LRCH1: variants seen among roughly 807,000 people sequenced by gnomAD.
LRCH1 encodes the protein leucine rich repeats and calponin homology domain containing 1, also known as leucine-rich repeat and calponin homology domain-containing protein 1.
Under a neutral mutation model 94.9 loss-of-function variants are expected in LRCH1, and 23 were observed. The ratio of observed to expected loss-of-function variants is 0.24; its 90% CI spans 0.17 to 0.34. LRCH1 has a LOEUF of 0.34. Among genes scored for constraint, LRCH1 ranks in the 10% least tolerant of loss-of-function variants. The probability of loss-of-function intolerance (pLI) is 1.00; values close to 1 mark genes in which losing one functional copy is unlikely to be tolerated. For missense variants in LRCH1, 790 were observed against 945.9 expected, an observed-to-expected ratio of 0.84 and a Z score of 2.16; for synonymous variants, 364 against 354.9, an observed-to-expected ratio of 1.03 and a Z score of -0.29.
Position 46,553,281 on chromosome 13 carries a change from A to C in LRCH1, c.-116A>C, listed in dbSNP as rs1594237990. The stretch of plus-strand genomic sequence containing the variant: ...GCCCACACCCTCCTCCCCTCCTTCC[A>C]GCGCCTTTCGGTGGAGCACTGCGGC... On this transcript the variant is annotated 5_prime_UTR_variant, in exon 1 of 20. Transcript: ENST00000389797. 1 of 508,824 alleles carries C rather than the reference A, an allele frequency of 2.0e-6. No individual in the cohort carries two copies. Among genetic ancestry groups the C allele is most frequent in the Non-Finnish European group, 3.0e-6 (1 of 330,358 alleles). 31.5% of individuals were successfully genotyped at this position (508,824 alleles called of 1,614,324 possible).
At chr13:46,721,306 A>G (rs1872573552) in intron 16 of LRCH1, among the ~76,000 whole-genome samples, 1 of 152,184 alleles carries the variant, frequency 6.6e-6, no homozygotes, top group Non-Finnish European at 1.5e-5. Flanking sequence ...CAAAGAAAAC[A>G]TTCGATGTGT....
chr13:46,688,707 T>G (rs935097935), intron 6 of LRCH1, among the ~76,000 whole-genome samples: 3 of 152,218 alleles, frequency 2.0e-5, no homozygotes, highest in African/African-American at 7.2e-5. Flanking sequence ...TTTTATGTAC[T>G]TAATCCCTGG....
intron 1 of LRCH1, among the ~76,000 whole-genome samples, chr13:46,607,065 G>A (rs1211343480): frequency 6.6e-6 from 1 of 152,140 alleles, no homozygotes; most frequent in Admixed American, 6.5e-5. Context: ...TTGGCTAGGC[G>A]CTGGGATGGT....
intron 1 of LRCH1, among the ~76,000 whole-genome samples, chr13:46,611,267 C>T (rs527667698): frequency 2.6e-5 from 4 of 152,262 alleles, no homozygotes; most frequent in South Asian, 2.1e-4. Flanking sequence ...CTCAGCTTCC[C>T]GCATTGGAAT....
At chr13:46,606,002 A>C (rs1204197067) in intron 1 of LRCH1, among the ~76,000 whole-genome samples, 1 of 152,154 alleles carries the variant, frequency 6.6e-6, no homozygotes, top group Non-Finnish European at 1.5e-5. Flanking sequence ...TCACACAGTA[A>C]GTGAGTGATG....
chr13:46,635,298 C>G (rs563447093), intron 1 of LRCH1, among the ~76,000 whole-genome samples: 3 of 152,200 alleles, frequency 2.0e-5, no homozygotes, highest in Non-Finnish European at 4.4e-5. Flanking sequence ...CCATCCCTGC[C>G]TCTCAGCTAA....
rs182473557 is a variant in LRCH1, at chr13:46,625,795, G to T, written c.308-24406G>T. Reference sequence around the variant, plus strand: ...CAGCCTCCCAGGTAGCTGGGACCACGGGCCTGTGCCACCACGCCCAGCTTA... The same window carrying T: ...CAGCCTCCCAGGTAGCTGGGACCACTGGCCTGTGCCACCACGCCCAGCTTA... On this transcript the variant is annotated intron_variant, in intron 1 of 19. Transcript: ENST00000389797. Among the ~76,000 whole-genome samples the T allele has an allele frequency of 2.6e-5, 4 of 151,890 alleles. No individual in the cohort carries two copies. The South Asian group carries it at 8.3e-4, about 32-fold the overall frequency.
intron 4 of LRCH1, 116 bp downstream of exon 4, chr13:46,681,962 G>GTGTGTGTGTA: frequency 1.5e-6 from 1 of 645,538 alleles, no homozygotes; most frequent in Non-Finnish European, 2.7e-6. Context: ...GTGTGTGTGT[G>GTGTGTGTGTA]TGTGCCTACT....
intron 6 of LRCH1, among the ~76,000 whole-genome samples, chr13:46,688,886 A>G (rs906152573): frequency 2.6e-5 from 4 of 152,226 alleles, no homozygotes; most frequent in Admixed American, 2.6e-4. Context: ...TGATTAGAGC[A>G]TAAATCCATG....
At chr13:46,690,071 G>GA (rs61429104) in intron 7 of LRCH1, among the ~76,000 whole-genome samples, 115,078 of 151,854 alleles carry the variant, frequency 0.76, 43,750 homozygotes, top group East Asian at 0.92. Flanking sequence ...ATGACTCCAG[G>GA]AAAAAAACCT....
chr13:46,661,780 C>T (rs1346567682), intron 2 of LRCH1, among the ~76,000 whole-genome samples: 2 of 152,162 alleles, frequency 1.3e-5, no homozygotes, highest in African/African-American at 4.8e-5. Context: ...TGGCAATATG[C>T]AGGCATCTTA....
intron 1 of LRCH1, among the ~76,000 whole-genome samples, chr13:46,571,880 G>A (rs1347985553): frequency 6.6e-6 from 1 of 151,844 alleles, no homozygotes; most frequent in African/African-American, 2.4e-5. Context: ...GTATGTGTGT[G>A]TGAGAGAGAG....
chr13:46,617,473 C>T (rs1005438867), intron 1 of LRCH1, among the ~76,000 whole-genome samples: 1 of 152,138 alleles, frequency 6.6e-6, no homozygotes, highest in African/African-American at 2.4e-5. Context: ...GCAGGAGATA[C>T]GAAGGGTCAT....
chr13:46,617,445 G>A (rs928659416), intron 1 of LRCH1, among the ~76,000 whole-genome samples: 17 of 152,280 alleles, frequency 1.1e-4, no homozygotes, highest in African/African-American at 4.1e-4. Flanking sequence ...TTTTTAAGTT[G>A]GTGCCTGAGT....
chr13:46,619,008 C>T (rs1195873653), intron 1 of LRCH1, among the ~76,000 whole-genome samples: 2 of 152,156 alleles, frequency 1.3e-5, no homozygotes, highest in African/African-American at 4.8e-5. Context: ...CTGTCAGATT[C>T]TTGGGAACTT....
intron 2 of LRCH1, among the ~76,000 whole-genome samples, chr13:46,666,904 G>A (rs2051524298): frequency 6.6e-6 from 1 of 152,116 alleles, no homozygotes; most frequent in Non-Finnish European, 1.5e-5. Context: ...GATGTGAGAG[G>A]CAGAAACACA....
chr13:46,568,517 G>A (rs149440790), intron 1 of LRCH1, among the ~76,000 whole-genome samples: 6 of 152,230 alleles, frequency 3.9e-5, no homozygotes, highest in African/African-American at 1.2e-4. Flanking sequence ...ATGCTTGGCT[G>A]GTTCTCTTTT....
intron 13 of LRCH1, among the ~76,000 whole-genome samples, chr13:46,706,076 G>C (rs915775463): frequency 4.6e-5 from 7 of 152,200 alleles, no homozygotes; most frequent in Non-Finnish European, 1.0e-4. Flanking sequence ...GCGGTTTCAC[G>C]CTCTTAACTT....
intron 1 of LRCH1, 28 bp downstream of exon 1, chr13:46,553,731 G>T: frequency 6.2e-7 from 1 of 1,602,082 alleles, no homozygotes; most frequent in South Asian, 1.1e-5. Flanking sequence ...GGCGGGCAGG[G>T]GTGTGGGTGC....
Sources: gnomAD v4.1 joint callset for allele counts (sites outside exome capture counted in the v4.1 genomes callset) on GRCh38, gnomAD v4.1.1 for gene constraint, MANE v1.5 for transcripts, NCBI Gene and HGNC (gene_info 2026-07-23, HGNC 2026-07-21) for gene names.